DLGAP2: variants seen among roughly 807,000 people sequenced by gnomAD.
The protein encoded by DLGAP2 is disks large-associated protein 2.
Under a neutral mutation model 100.3 loss-of-function variants are expected in DLGAP2, and 26 were observed. The observed-to-expected ratio is 0.26, with a 90% CI of 0.19 to 0.36. DLGAP2 has a LOEUF of 0.36. DLGAP2 is among the 10% of genes least tolerant of loss of function. The probability of loss-of-function intolerance (pLI) is 1.00; values close to 1 mark genes in which losing one functional copy is unlikely to be tolerated. For missense variants in DLGAP2, 1,858 were observed against 1,453.2 expected (o/e 1.28, Z -4.53); for synonymous variants, 886 against 630.1 (o/e 1.41, Z -6.08).
chr8:1,351,409 CTGTG>C lies in DLGAP2; in HGVS notation c.106+92527_106+92530del, dbSNP rs1415040795. Among the ~76,000 whole-genome samples the C allele has an allele frequency of 2.9e-3, 92 of 32,238 alleles. 24 individuals are homozygous for C. In the East Asian group the frequency reaches 0.03, roughly 11 times the overall value. The allele number at this position is 32,238 out of a possible 152,430, so 21.1% of individuals were successfully genotyped here. ...CGGGTCCTGAGTGTGTGTGGATAGGCTGTGCGGGTCCTGACTGTGTGTGGAAAGG... is the reference window on the plus strand; with the variant it reads ...CGGGTCCTGAGTGTGTGTGGATAGGCCGGGTCCTGACTGTGTGTGGAAAGG... On this transcript the variant is annotated intron_variant, in intron 3 of 14. Transcript: ENST00000637795.
At position 1,432,381 on chromosome 8, in the gene DLGAP2, C is replaced by T. The variant is rs192970898; in HGVS notation, c.107-68985C>T. On this transcript the variant is annotated intron_variant, in intron 3 of 14. Transcript: ENST00000637795. ...AATGGTAGAGGGGATGAAACATCCA[C>T]TTAACTGAAAGAAGTTAGAATCTGG... is the stretch of plus-strand genomic sequence containing the variant. Among the ~76,000 whole-genome samples the T allele has an allele frequency of 1.2e-3, 188 of 152,334 alleles. 1 individual carries two copies. Among genetic ancestry groups the T allele is most frequent in the Non-Finnish European group, 2.1e-3 (142 of 68,024 alleles).
At chr8:1,260,244 G>A (rs1394761003) in intron 3 of DLGAP2, among the ~76,000 whole-genome samples, 1 of 151,944 alleles carries the variant, frequency 6.6e-6, no homozygotes, top group Non-Finnish European at 1.5e-5. Context: ...AACTTCCATT[G>A]CCATTCCCAC....
intron 3 of DLGAP2, among the ~76,000 whole-genome samples, chr8:1,484,205 G>T (rs1799181357): frequency 6.6e-6 from 1 of 152,230 alleles, no homozygotes; most frequent in African/African-American, 2.4e-5. Flanking sequence ...ATGAGCTTCT[G>T]AATGAACAGT....
chr8:1,412,160 C>G (rs944999161), intron 3 of DLGAP2, among the ~76,000 whole-genome samples: 3 of 152,216 alleles, frequency 2.0e-5, no homozygotes, highest in Non-Finnish European at 4.4e-5. Flanking sequence ...CCCTTTTTAG[C>G]TCCAGTGCTA....
intron 2 of DLGAP2, among the ~76,000 whole-genome samples, chr8:971,952 T>A (rs1800025780): frequency 6.6e-6 from 1 of 152,158 alleles, no homozygotes; most frequent in Non-Finnish European, 1.5e-5. Context: ...GTTCGGTGGC[T>A]CTTTTCCTTC....
intron 2 of DLGAP2, among the ~76,000 whole-genome samples, chr8:1,140,120 A>G (rs1003856163): frequency 6.6e-6 from 1 of 152,192 alleles, no homozygotes; most frequent in African/African-American, 2.4e-5. Context: ...CATTTCCATT[A>G]CAAGGAAACC....
chr8:1,312,304 G>A (rs371310262), intron 3 of DLGAP2, among the ~76,000 whole-genome samples: 12 of 152,172 alleles, frequency 7.9e-5, no homozygotes, highest in East Asian at 7.7e-4. Context: ...AGACCGCACC[G>A]AAGGCACCTA....
intron 2 of DLGAP2, among the ~76,000 whole-genome samples, chr8:1,100,472 A>C (rs558531095): frequency 6.6e-6 from 1 of 152,060 alleles, no homozygotes; most frequent in Non-Finnish European, 1.5e-5. Flanking sequence ...CACAGTGTAC[A>C]ATGTGTGTAG....
chr8:1,318,778 G>GCCCC (rs34614425), intron 3 of DLGAP2, among the ~76,000 whole-genome samples: 23 of 105,612 alleles, frequency 2.2e-4, no homozygotes, highest in Middle Eastern at 4.4e-3. Context: ...TCAGTGATCA[G>GCCCC]CCCCCCCCCC....
intron 6 of DLGAP2, among the ~76,000 whole-genome samples, chr8:1,616,980 C>T (rs1416233849): frequency 6.6e-6 from 1 of 152,186 alleles, no homozygotes; most frequent in Non-Finnish European, 1.5e-5. Context: ...GGAGAACATG[C>T]AGTATTTGGT....
At chr8:952,750 G>C (rs887426752) in intron 2 of DLGAP2, among the ~76,000 whole-genome samples, 1 of 152,190 alleles carries the variant, frequency 6.6e-6, no homozygotes, top group Admixed American at 6.5e-5. Context: ...TTTGTGATGA[G>C]TAGCATTATT....
rs760755695 is a variant in DLGAP2, at chr8:1,556,550, G to A, written c.1230+6867G>A. 2.0e-5 allele frequency among the ~76,000 whole-genome samples: 3 copies of A among 152,214 alleles called. No homozygotes were observed. In the South Asian group the frequency reaches 6.2e-4, roughly 32 times the overall value. ...TGTGTCTCCTGCCTCAGACTTGGTGGTCCACATGCAGTACTGCTCTGTGAA... is the reference window on the plus strand; with the variant it reads ...TGTGTCTCCTGCCTCAGACTTGGTGATCCACATGCAGTACTGCTCTGTGAA... On this transcript the variant is annotated intron_variant, in intron 5 of 14. Coordinates refer to ENST00000637795, the MANE Select transcript of DLGAP2 (RefSeq NM_001346810.2).
intron 1 of DLGAP2, among the ~76,000 whole-genome samples, chr8:807,666 C>A (rs1338826854): frequency 6.6e-6 from 1 of 151,738 alleles, no homozygotes; most frequent in African/African-American, 2.4e-5. Context: ...TCTTTTTCTT[C>A]ATTTTATTCT....
chr8:1,220,143 C>A (rs1223266347), intron 2 of DLGAP2, among the ~76,000 whole-genome samples: 3 of 152,030 alleles, frequency 2.0e-5, no homozygotes, highest in African/African-American at 4.8e-5. Flanking sequence ...AATTTGTTTT[C>A]TTCTACCTTT....
At position 1,531,872 on chromosome 8, in the gene DLGAP2, G is replaced by A. The variant is rs147166376; in HGVS notation, c.173-16754G>A. Among the ~76,000 whole-genome samples the A allele has an allele frequency of 2.2e-4, 34 of 152,264 alleles. 1 individual carries two copies. The highest frequency in any genetic ancestry group is 5.9e-5 in the Non-Finnish European group (4 of 68,014). Reference sequence around the variant, plus strand: ...TCAGTTTATTTAGAAAGTTTATTTTGCCAAGGTTGTCACGCACACCCGTGA... The same window carrying A: ...TCAGTTTATTTAGAAAGTTTATTTTACCAAGGTTGTCACGCACACCCGTGA... On this transcript the variant is annotated intron_variant, in intron 4 of 14. Coordinates refer to ENST00000637795, the MANE Select transcript of DLGAP2 (RefSeq NM_001346810.2).
intron 2 of DLGAP2, among the ~76,000 whole-genome samples, chr8:1,253,426 G>A (rs1048838971): frequency 6.6e-6 from 1 of 152,262 alleles, no homozygotes; most frequent in Non-Finnish European, 1.5e-5. Flanking sequence ...GCCAGAGATA[G>A]CATGCGCTCG....
intron 5 of DLGAP2, among the ~76,000 whole-genome samples, chr8:1,558,972 T>C (rs752636649): frequency 3.9e-5 from 6 of 152,214 alleles, no homozygotes; most frequent in Non-Finnish European, 7.3e-5. Context: ...TCGGTTCCAG[T>C]GCCTCCAAGA....
intron 2 of DLGAP2, among the ~76,000 whole-genome samples, chr8:1,086,338 G>C (rs147233918): frequency 1.2e-4 from 18 of 152,038 alleles, no homozygotes; most frequent in Non-Finnish European, 2.6e-4. Context: ...GTCTTGTTTT[G>C]GGTGTCAGAG....
At chr8:1,372,202 G>A (rs569440064) in intron 3 of DLGAP2, among the ~76,000 whole-genome samples, 25 of 152,018 alleles carry the variant, frequency 1.6e-4, no homozygotes, top group East Asian at 3.9e-4. Flanking sequence ...GCAGGTCACC[G>A]TGCTGCCAAC....
Sources: gnomAD v4.1 joint callset for allele counts (sites outside exome capture counted in the v4.1 genomes callset) on GRCh38, gnomAD v4.1.1 for gene constraint, MANE v1.5 for transcripts, NCBI Gene and HGNC (gene_info 2026-07-23, HGNC 2026-07-21) for gene names.